The following PAX5 variants were observed in gnomAD, a reference collection of about 807,000 sequenced individuals.
PAX5 encodes the protein paired box protein Pax-5.
In PAX5, 9 loss-of-function variants were observed where a neutral mutation model predicts 43.7. That is an observed-to-expected ratio of 0.21 (90% CI 0.12 to 0.36). The LOEUF is 0.36. Among genes scored for constraint, PAX5 ranks in the 10% least tolerant of loss-of-function variants. The pLI, the probability that PAX5 is intolerant of heterozygous loss-of-function variation, is 1.00. For missense variants in PAX5, 383 were observed against 532.7 expected, an observed-to-expected ratio of 0.72 and a Z score of 2.77; for synonymous variants, 228 against 214.3, an observed-to-expected ratio of 1.06 and a Z score of -0.56.
chr9:37,029,993 G>A (rs1840817089), intron 1 of PAX5, among the ~76,000 whole-genome samples: 1 of 152,100 alleles, frequency 6.6e-6, no homozygotes, highest in African/African-American at 2.4e-5. Flanking sequence ...CCAAATCGAA[G>A]AACTCGGCTG....
Position 36,838,927 on chromosome 9 carries a change from C to G in PAX5, c.*1633G>C, listed in dbSNP as rs529128671. ...CTGGCCTGCTGATCCCAAGTCCAGT[C>G]TCTCTCTGCCCTGGCTCTCTGCCAT... On this transcript the variant is annotated 3_prime_UTR_variant, in exon 10 of 10. Coordinates refer to ENST00000358127, the MANE Select transcript of PAX5 (RefSeq NM_016734.3). 2 of 233,410 alleles carry G rather than the reference C, an allele frequency of 8.6e-6. No homozygotes were observed. Among genetic ancestry groups the G allele is most frequent in the East Asian group, 1.2e-4 (2 of 16,584 alleles). 14.5% of individuals were successfully genotyped at this position (233,410 alleles called of 1,614,324 possible).
intron 8 of PAX5, among the ~76,000 whole-genome samples, chr9:36,847,291 C>G (rs1315821568): frequency 3.9e-5 from 6 of 152,148 alleles, no homozygotes. Flanking sequence ...CTTGATACAC[C>G]TTGCTAAGTT....
chr9:37,003,168 A>AAACAAAAAAC (rs1838076330), intron 4 of PAX5, among the ~76,000 whole-genome samples: 1 of 150,452 alleles, frequency 6.6e-6, no homozygotes, highest in Non-Finnish European at 1.5e-5. Flanking sequence ...AAAAAAAAAA[A>AAACAAAAAAC]AAAAAAAAAA....
chr9:37,001,037 A>G (rs1837805372), intron 5 of PAX5, among the ~76,000 whole-genome samples: 1 of 152,174 alleles, frequency 6.6e-6, no homozygotes, highest in Non-Finnish European at 1.5e-5. Flanking sequence ...ATACCCCCAA[A>G]TGGGCTGCAG....
chr9:36,985,460 G>GT (rs1392392548), intron 5 of PAX5, among the ~76,000 whole-genome samples: 1 of 152,212 alleles, frequency 6.6e-6, no homozygotes, highest in South Asian at 2.1e-4. Flanking sequence ...GAAGAGAGAA[G>GT]TCCATTCCCT....
chr9:36,957,048 C>T (rs1437111737), intron 6 of PAX5, among the ~76,000 whole-genome samples: 1 of 152,142 alleles, frequency 6.6e-6, no homozygotes, highest in Non-Finnish European at 1.5e-5. Context: ...TTATAGCTCC[C>T]TGCCATGGGA....
chr9:36,972,783 T>C (rs1170626666), intron 5 of PAX5, among the ~76,000 whole-genome samples: 1 of 152,186 alleles, frequency 6.6e-6, no homozygotes, highest in Non-Finnish European at 1.5e-5. Flanking sequence ...ATCCCAGCAC[T>C]TTGGGAGGCC....
chr9:36,966,750 G>A (rs754316889), intron 5 of PAX5, 26 bp from the exon 6 acceptor site: 2 of 1,607,028 alleles, frequency 1.2e-6, no homozygotes, highest in South Asian at 1.1e-5. Context: ...GAGAGGAAGG[G>A]TGAGTGGAGG....
intron 3 of PAX5, among the ~76,000 whole-genome samples, chr9:37,014,433 G>T (rs1839217651): frequency 6.6e-6 from 1 of 152,332 alleles, no homozygotes; most frequent in East Asian, 1.9e-4. Flanking sequence ...AACCACTGGG[G>T]TTCTGGGCTC....
chr9:36,962,095 C>T (rs776441090), intron 6 of PAX5, among the ~76,000 whole-genome samples: 14 of 152,220 alleles, frequency 9.2e-5, no homozygotes, highest in Non-Finnish European at 8.8e-5. Context: ...GGGCAGGCTC[C>T]GAGCTAACAG....
At chr9:36,977,228 A>G (rs887865558) in intron 5 of PAX5, among the ~76,000 whole-genome samples, 3 of 144,960 alleles carry the variant, frequency 2.1e-5, no homozygotes, top group African/African-American at 7.7e-5. Flanking sequence ...CAAGTCTGTT[A>G]TTGCTTCCTC....
intron 5 of PAX5, among the ~76,000 whole-genome samples, chr9:36,994,343 C>T (rs765640408): frequency 3.3e-5 from 5 of 152,208 alleles, no homozygotes; most frequent in Non-Finnish European, 5.9e-5. Context: ...GCCAAGCCTG[C>T]GCCCTCTGTG....
chr9:36,962,794 C>G (rs1834085434), intron 6 of PAX5, among the ~76,000 whole-genome samples: 1 of 152,162 alleles, frequency 6.6e-6, no homozygotes, highest in African/African-American at 2.4e-5. Context: ...ATCCAGGGCA[C>G]TAGGCCACAG....
rs1220180482 is a variant in PAX5 at position 37,002,719 on chromosome 9, G to A, written c.533C>T (p.Ser178Leu). ...GCCCAGGATGCCGCTGATGGAGTAC[G>A]ACGAGCCGGCCGAATCCGTGCTCAC... Reference protein sequence around the residue: ...SSVSTDSAGSSYSISGILGIT... With the variant: ...SSVSTDSAGSLYSISGILGIT... The change falls in exon 5 of 10, where the codon TCG becomes TTG. Residue 178 changes from serine (S) to leucine (L), a missense_variant. Coordinates refer to ENST00000358127, the MANE Select transcript of PAX5 (RefSeq NM_016734.3). 1 of 1,610,396 alleles carries A rather than the reference G, an allele frequency of 6.2e-7. No individual in the cohort carries two copies. Among genetic ancestry groups the A allele is most frequent in the Non-Finnish European group, 8.5e-7 (1 of 1,178,964 alleles).
rs962945645 is a variant in PAX5, at chr9:36,979,314, G to A, written c.605-12590C>T. On this transcript the variant is annotated intron_variant, in intron 5 of 9. Coordinates refer to ENST00000358127, the MANE Select transcript of PAX5 (RefSeq NM_016734.3). ...AGGAATGGTGGATTTATGAGGGTGTGGAACTGAACAAGCACAAATTATAAG... is the reference window on the plus strand; with the variant it reads ...AGGAATGGTGGATTTATGAGGGTGTAGAACTGAACAAGCACAAATTATAAG... Among the ~76,000 whole-genome samples the A allele has an allele frequency of 5.9e-5, 9 of 152,156 alleles. No individual in the cohort carries two copies. The East Asian group carries it at 1.7e-3, about 29-fold the overall frequency.
chr9:36,847,493 G>T (rs11792504), intron 8 of PAX5, among the ~76,000 whole-genome samples: 3,429 of 152,284 alleles, frequency 0.023, 57 homozygotes, highest in Middle Eastern at 0.041. Flanking sequence ...TCTCGTCAGG[G>T]AGATGAGACA....
At chr9:36,914,303 C>T (rs776418141) in intron 7 of PAX5, among the ~76,000 whole-genome samples, 5 of 152,188 alleles carry the variant, frequency 3.3e-5, no homozygotes, top group South Asian at 2.1e-4. Context: ...ATGCAACTAC[C>T]GTGTAAATGG....
chr9:36,944,733 G>A (rs910490707), intron 6 of PAX5, among the ~76,000 whole-genome samples: 1 of 152,216 alleles, frequency 6.6e-6, no homozygotes, highest in African/African-American at 2.4e-5. Flanking sequence ...ATTTCTTAGG[G>A]TGTCTCCATA....
intron 6 of PAX5, among the ~76,000 whole-genome samples, chr9:36,934,091 G>A (rs1831354454): frequency 6.6e-6 from 1 of 152,256 alleles, no homozygotes; most frequent in African/African-American, 2.4e-5. Context: ...GCAACCAGGG[G>A]AGGCAGCGTG....
Sources: gnomAD v4.1 joint callset for allele counts (sites outside exome capture counted in the v4.1 genomes callset) on GRCh38, gnomAD v4.1.1 for gene constraint, MANE v1.5 for transcripts, NCBI Gene and HGNC (gene_info 2026-07-23, HGNC 2026-07-21) for gene names.